Variants in PRLR observed in about 807,000 individuals in gnomAD.
The protein encoded by PRLR is prolactin receptor, also known as hPRL receptor.
PRLR carries 13 observed loss-of-function variants against 40.2 expected under a neutral mutation model. The ratio of observed to expected loss-of-function variants is 0.32; its 90% CI spans 0.21 to 0.51. PRLR has a LOEUF of 0.51. Ranked by LOEUF, PRLR falls within the 20% of genes least tolerant of loss-of-function variation. The probability of loss-of-function intolerance (pLI) is 0.97; values close to 1 mark genes in which losing one functional copy is unlikely to be tolerated. For synonymous variants in PRLR, 269 were observed against 278.7 expected, an observed-to-expected ratio of 0.97 and a Z score of 0.35; for missense variants, 656 against 747.3, an observed-to-expected ratio of 0.88 and a Z score of 1.42.
At chr5:35,106,139 G>C (rs1353405701) in intron 2 of PRLR, among the ~76,000 whole-genome samples, 2 of 152,158 alleles carry the variant, frequency 1.3e-5, no homozygotes, top group African/African-American at 4.8e-5. Flanking sequence ...CTTCATAAGT[G>C]AAGGAGAAAT....
chr5:35,130,593 C>G (rs963678088), intron 1 of PRLR, among the ~76,000 whole-genome samples: 7 of 152,114 alleles, frequency 4.6e-5, no homozygotes, highest in Non-Finnish European at 8.8e-5. Flanking sequence ...AAATTTTTAG[C>G]TCTAAATTAT....
At chr5:35,174,569 A>T (rs1188550065) in intron 1 of PRLR, among the ~76,000 whole-genome samples, 2 of 152,154 alleles carry the variant, frequency 1.3e-5, no homozygotes, top group African/African-American at 2.4e-5. Context: ...TAGCTTGATG[A>T]CAGGCCTGAA....
chr5:35,208,237 T>C (rs941635841), intron 1 of PRLR, among the ~76,000 whole-genome samples: 4 of 151,598 alleles, frequency 2.6e-5, no homozygotes, highest in Non-Finnish European at 5.9e-5. Context: ...CCTTTAACAT[T>C]TAGGACACTG....
intron 1 of PRLR, among the ~76,000 whole-genome samples, chr5:35,177,262 A>T (rs1048499367): frequency 1.8e-4 from 28 of 152,038 alleles, no homozygotes; most frequent in African/African-American, 6.3e-4. Flanking sequence ...TTCTTTCTCT[A>T]TACTTTGTCT....
intron 5 of PRLR, among the ~76,000 whole-genome samples, chr5:35,084,264 A>C (rs1019599288): frequency 4.6e-5 from 7 of 152,224 alleles, no homozygotes; most frequent in Admixed American, 1.3e-4. Context: ...AAGCACAGGA[A>C]CACAAGGATC....
downstream of PRLR, among the ~76,000 whole-genome samples, chr5:35,054,152 C>A (rs925316913): frequency 2.0e-5 from 3 of 152,198 alleles, no homozygotes; most frequent in Non-Finnish European, 2.9e-5. Flanking sequence ...AAATATCTGA[C>A]TGCATCAGGT....
At chr5:35,091,141 T>C (rs1347064741) in intron 2 of PRLR, among the ~76,000 whole-genome samples, 1 of 152,082 alleles carries the variant, frequency 6.6e-6, no homozygotes, top group Non-Finnish European at 1.5e-5. Context: ...AGGCTCCAGC[T>C]TCAGTAAAGG....
intron 1 of PRLR, among the ~76,000 whole-genome samples, chr5:35,161,848 A>T (rs1368626898): frequency 6.6e-6 from 1 of 152,268 alleles, no homozygotes; most frequent in African/African-American, 2.4e-5. Context: ...TGCACAGAAG[A>T]TAATTTTACA....
chr5:35,082,283 A>T (rs886915663), intron 5 of PRLR, among the ~76,000 whole-genome samples: 2 of 152,218 alleles, frequency 1.3e-5, no homozygotes, highest in Non-Finnish European at 2.9e-5. Context: ...TCCTAAACAA[A>T]CAGCAGCTAA....
chr5:35,106,181 G>C (rs1232341569), intron 2 of PRLR, among the ~76,000 whole-genome samples: 1 of 152,198 alleles, frequency 6.6e-6, no homozygotes, highest in African/African-American at 2.4e-5. Context: ...AGTGCTGAGA[G>C]ATTTTGTCAC....
intron 2 of PRLR, among the ~76,000 whole-genome samples, chr5:35,091,200 T>C (rs1771192793): frequency 6.6e-6 from 1 of 152,086 alleles, no homozygotes. Context: ...TTTTGTTCTT[T>C]TGGGGACCTT....
At position 35,066,132 on chromosome 5, in the gene PRLR, G is replaced by T; in HGVS notation, c.856-30C>A. The stretch of plus-strand genomic sequence containing the variant: ...TAAAACACAGACACAAGAAGAGATG[G>T]CTGTTAGCTTCATAACATTCCAAAT... On this transcript the variant is annotated intron_variant, in intron 9 of 9. Coordinates refer to ENST00000618457, the MANE Select transcript of PRLR (RefSeq NM_000949.7). 1.9e-6 allele frequency: 3 copies of T among 1,585,282 alleles called. No individual in the cohort carries two copies. The African/African-American group carries it at 4.0e-5, about 21-fold the overall frequency.
intron 2 of PRLR, among the ~76,000 whole-genome samples, chr5:35,107,134 A>C (rs568725100): frequency 8.5e-5 from 13 of 152,198 alleles, no homozygotes; most frequent in African/African-American, 2.9e-4. Flanking sequence ...CTACTGGGTA[A>C]ATAAGTAAAT....
Position 35,169,344 on chromosome 5 carries a change from C to T in PRLR, c.-105-51222G>A, listed in dbSNP as rs117772044. Among the ~76,000 whole-genome samples, 7 of 152,210 alleles carry T rather than the reference C, an allele frequency of 4.6e-5. 1 individual carries two copies. The East Asian group carries it at 1.4e-3, about 29-fold the overall frequency. ...CAGTAAGGCAAAAATATACTTCAGG[C>T]TTATAAATATCTGGGTATAATAGTT... On this transcript the variant is annotated intron_variant, in intron 1 of 9. Transcript: ENST00000618457.
At chr5:35,176,225 A>T (rs1290037119) in intron 1 of PRLR, among the ~76,000 whole-genome samples, 1 of 152,186 alleles carries the variant, frequency 6.6e-6, no homozygotes, top group East Asian at 1.9e-4. Flanking sequence ...CATTTTTTAA[A>T]GGCTTTTCCA....
chr5:35,150,986 AT>A (rs1240898008), intron 1 of PRLR, among the ~76,000 whole-genome samples: 2 of 152,242 alleles, frequency 1.3e-5, no homozygotes, highest in Non-Finnish European at 2.9e-5. Context: ...GAAGGAATGA[AT>A]AAAATGATTT....
intron 1 of PRLR, among the ~76,000 whole-genome samples, chr5:35,227,571 C>A (rs1337659492): frequency 6.6e-6 from 1 of 152,212 alleles, no homozygotes; most frequent in East Asian, 1.9e-4. Context: ...ATATTGCTAT[C>A]TTTGCATGCA....
At chr5:35,130,717 G>C (rs2111774106) in intron 1 of PRLR, among the ~76,000 whole-genome samples, 1 of 152,316 alleles carries the variant, frequency 6.6e-6, no homozygotes, top group South Asian at 2.1e-4. Flanking sequence ...AGACGCTGAA[G>C]TCCTCCAGTA....
intron 9 of PRLR, among the ~76,000 whole-genome samples, chr5:35,067,002 A>T (rs1769421145): frequency 6.6e-6 from 1 of 151,920 alleles, no homozygotes; most frequent in Admixed American, 6.6e-5. Context: ...TGACCTCGTG[A>T]TCTGCCCGCC....
Sources: allele counts gnomAD v4.1 joint callset (sites outside exome capture counted in the v4.1 genomes callset), GRCh38; gene constraint gnomAD v4.1.1; transcripts MANE v1.5; gene names NCBI Gene and HGNC (gene_info 2026-07-23, HGNC 2026-07-21).